The following CFTR variants were observed in gnomAD, a reference collection of about 807,000 sequenced individuals.
The protein encoded by CFTR is cystic fibrosis transmembrane conductance regulator.
In CFTR, 181 loss-of-function variants were observed where a neutral mutation model predicts 171.6. The ratio of observed to expected loss-of-function variants is 1.05; its 90% CI spans 0.93 to 1.19. The LOEUF (loss-of-function observed/expected upper bound fraction) is 1.19, where lower values mean the gene tolerates loss of function less well. CFTR is among the 50% of genes most tolerant of loss of function. The pLI is 0.00. For synonymous variants in CFTR, 583 were observed against 608.0 expected, an observed-to-expected ratio of 0.96 and a Z score of 0.60; for missense variants, 1,968 against 1,734.7, an observed-to-expected ratio of 1.13 and a Z score of -2.39.
At chr7:117,549,393 A>G (rs1179431942) in intron 10 of CFTR, among the ~76,000 whole-genome samples, 1 of 152,170 alleles carries the variant, frequency 6.6e-6, no homozygotes, top group Non-Finnish European at 1.5e-5. Context: ...TTAACCTGGC[A>G]TATTTGGAGA....
intron 1 of CFTR, among the ~76,000 whole-genome samples, chr7:117,496,659 C>T (rs1798245549): frequency 6.6e-6 from 1 of 152,206 alleles, no homozygotes; most frequent in South Asian, 2.1e-4. Flanking sequence ...TTTGTGCAGA[C>T]ATCCATTTTC....
At chr7:117,533,546 A>T (rs1798897382) in intron 4 of CFTR, among the ~76,000 whole-genome samples, 1 of 152,178 alleles carries the variant, frequency 6.6e-6, no homozygotes, top group Non-Finnish European at 1.5e-5. Context: ...CTCAACAAAT[A>T]TGTGAGGGAT....
intron 23 of CFTR, among the ~76,000 whole-genome samples, chr7:117,647,729 C>T (rs1003883004): frequency 1.1e-4 from 17 of 151,036 alleles, no homozygotes; most frequent in Non-Finnish European, 2.2e-4. Flanking sequence ...CTATGTTCTA[C>T]AGGCTGGTCT....
intron 18 of CFTR, among the ~76,000 whole-genome samples, chr7:117,607,464 G>A (rs1283399844): frequency 6.6e-6 from 1 of 152,114 alleles, no homozygotes; most frequent in East Asian, 1.9e-4. Flanking sequence ...CAGGATTTAA[G>A]GAGTGTTGTA....
At chr7:117,647,693 A>C (rs1049580928) in intron 23 of CFTR, among the ~76,000 whole-genome samples, 1 of 151,024 alleles carries the variant, frequency 6.6e-6, no homozygotes, top group Non-Finnish European at 1.5e-5. Context: ...AAAAAAAAAA[A>C]ATTTTTTTTT....
chr7:117,651,790 C>T (rs2116193020), intron 23 of CFTR, among the ~76,000 whole-genome samples: 2 of 152,218 alleles, frequency 1.3e-5, no homozygotes, highest in East Asian at 3.9e-4. Context: ...GGATACTCTC[C>T]ATCTGCCTGA....
intron 22 of CFTR, among the ~76,000 whole-genome samples, chr7:117,637,151 G>A (rs980942247): frequency 6.6e-6 from 1 of 151,358 alleles, no homozygotes; most frequent in Non-Finnish European, 1.5e-5. Context: ...TTAAATTCCT[G>A]ATCTGTTAAT....
chr7:117,567,869 G>A (rs934680832), intron 11 of CFTR, among the ~76,000 whole-genome samples: 1 of 152,178 alleles, frequency 6.6e-6, no homozygotes, highest in East Asian at 1.9e-4. Flanking sequence ...GGTTAATGTA[G>A]GGTTCTTATG....
At chr7:117,643,136 G>T (rs780609986) in intron 23 of CFTR, among the ~76,000 whole-genome samples, 1 of 151,986 alleles carries the variant, frequency 6.6e-6, no homozygotes, top group South Asian at 2.1e-4. Flanking sequence ...ATCATTCTAC[G>T]AATTAGAATG....
intron 23 of CFTR, among the ~76,000 whole-genome samples, chr7:117,644,793 A>G (rs1792974386): frequency 6.6e-6 from 1 of 152,094 alleles, no homozygotes; most frequent in Non-Finnish European, 1.5e-5. Context: ...GTAAATTTCA[A>G]GGTGGAGCCT....
intron 2 of CFTR, among the ~76,000 whole-genome samples, chr7:117,506,460 G>A (rs1425182632): frequency 6.6e-6 from 1 of 152,166 alleles, no homozygotes; most frequent in Non-Finnish European, 1.5e-5. Flanking sequence ...TGGCCAGGCT[G>A]GTCTTGAACT....
intron 1 of CFTR, among the ~76,000 whole-genome samples, chr7:117,492,466 T>C (rs35508774): frequency 6.6e-6 from 1 of 152,054 alleles, no homozygotes; most frequent in African/African-American, 2.4e-5. Flanking sequence ...AATTAATTGA[T>C]TGACCCATTA....
chr7:117,603,452 A>C (rs1562911449), intron 16 of CFTR, 80 bp from the exon 17 acceptor site: 2 of 1,516,956 alleles, frequency 1.3e-6, no homozygotes, highest in Non-Finnish European at 9.1e-7. Context: ...TTTAGACTCA[A>C]GTTTAGTTCC....
Position 117,578,398 on chromosome 7 carries a change from T to G in CFTR, c.1585-9341T>G, listed in dbSNP as rs1032765126. 1.6e-4 allele frequency among the ~76,000 whole-genome samples: 24 copies of G among 152,280 alleles called. No individual in the cohort carries two copies. In the East Asian group the frequency reaches 4.4e-3, roughly 28 times the overall value. The stretch of plus-strand genomic sequence containing the variant: ...TCTAGCTTGCTTTATTGTAATAATA[T>G]AGTATATAATACATATAACATACCA... On this transcript the variant is annotated intron_variant, in intron 11 of 26. Coordinates refer to ENST00000003084, the MANE Select transcript of CFTR (RefSeq NM_000492.4).
chr7:117,557,526 C>A (rs1799380182), intron 10 of CFTR, among the ~76,000 whole-genome samples: 1 of 151,850 alleles, frequency 6.6e-6, no homozygotes, highest in Non-Finnish European at 1.5e-5. Context: ...CCCTGTTATT[C>A]CTTATAGGTT....
chr7:117,623,339 T>A (rs1328270046), intron 21 of CFTR, among the ~76,000 whole-genome samples: 1 of 152,210 alleles, frequency 6.6e-6, no homozygotes, highest in African/African-American at 2.4e-5. Flanking sequence ...GACAGAGATA[T>A]CCCTCGATCC....
chr7:117,655,383 A>C (rs1793151436), intron 24 of CFTR, among the ~76,000 whole-genome samples: 1 of 152,204 alleles, frequency 6.6e-6, no homozygotes, highest in African/African-American at 2.4e-5. Flanking sequence ...ACATTTTATA[A>C]GAAGGATAGC....
intron 16 of CFTR, among the ~76,000 whole-genome samples, chr7:117,603,074 G>A (rs1206999217): frequency 6.6e-6 from 1 of 152,098 alleles, no homozygotes; most frequent in African/African-American, 2.4e-5. Flanking sequence ...ACAGGCTGAC[G>A]CAGGAGGATC....
At chr7:117,557,358 G>A (rs963246932) in intron 10 of CFTR, among the ~76,000 whole-genome samples, 22 of 152,078 alleles carry the variant, frequency 1.4e-4, no homozygotes, top group African/African-American at 3.9e-4. Flanking sequence ...GAATATATTC[G>A]TGTAGTTTCT....
Sources: gnomAD v4.1 joint callset for allele counts (sites outside exome capture counted in the v4.1 genomes callset) on GRCh38, gnomAD v4.1.1 for gene constraint, MANE v1.5 for transcripts, NCBI Gene and HGNC (gene_info 2026-07-23, HGNC 2026-07-21) for gene names.